Variants in DLGAP2 observed in about 807,000 individuals in gnomAD.
The protein encoded by DLGAP2 is disks large-associated protein 2.
In DLGAP2, 26 loss-of-function variants were observed where a neutral mutation model predicts 100.3. The observed-to-expected ratio is 0.26, with a 90% CI of 0.19 to 0.36. The LOEUF is 0.36. Ranked by LOEUF, DLGAP2 falls within the 10% of genes least tolerant of loss-of-function variation. The pLI is 1.00. For missense variants in DLGAP2, 1,858 were observed against 1,453.2 expected, an observed-to-expected ratio of 1.28 and a Z score of -4.53; for synonymous variants, 886 against 630.1, an observed-to-expected ratio of 1.41 and a Z score of -6.08.
At chr8:1,469,376 G>A (rs563572775) in intron 3 of DLGAP2, among the ~76,000 whole-genome samples, 10 of 152,322 alleles carry the variant, frequency 6.6e-5, no homozygotes, top group South Asian at 2.1e-4. Context: ...CCTAGGAGCC[G>A]GCTGTTAATG....
At chr8:1,292,814 G>A (rs1414042025) in intron 3 of DLGAP2, among the ~76,000 whole-genome samples, 1 of 151,962 alleles carries the variant, frequency 6.6e-6, no homozygotes, top group Non-Finnish European at 1.5e-5. Context: ...GCCTTCCCAA[G>A]GTCTTTCATT....
Position 1,548,609 on chromosome 8 carries a change from T to A in DLGAP2, c.173-17T>A. 1 of 1,478,864 alleles carries A rather than the reference T, an allele frequency of 6.8e-7. No homozygotes were observed. Among genetic ancestry groups the A allele is most frequent in the Non-Finnish European group, 9.0e-7 (1 of 1,116,242 alleles). The allele number at this position is 1,478,864 out of a possible 1,614,324, so 91.6% of individuals were successfully genotyped here. A position where few individuals can be genotyped will look rare whatever the true frequency, so the allele number is the denominator to read the frequency against. ...CCGCGCTTCCGGGTGTTCAATGCCGTTTCTGTTTCCCCACAGACCCGCAGT... is the reference window on the plus strand; with the variant it reads ...CCGCGCTTCCGGGTGTTCAATGCCGATTCTGTTTCCCCACAGACCCGCAGT... On this transcript the variant is annotated splice_polypyrimidine_tract_variant and intron_variant, in intron 4 of 14. Transcript: ENST00000637795.
chr8:1,545,065 G>A lies in DLGAP2; in HGVS notation c.173-3561G>A, dbSNP rs146976388. Among the ~76,000 whole-genome samples the A allele has an allele frequency of 1.0e-2, 1,518 of 152,160 alleles. 15 individuals are homozygous for A. Among genetic ancestry groups the A allele is most frequent in the Admixed American group, 0.014 (221 of 15,272 alleles). On this transcript the variant is annotated intron_variant, in intron 4 of 14. Transcript: ENST00000637795. ...GGCTTTTTGCATCTCTATTTATAAGGGATATTAATCTATAGTTTTCTTTTC... is the reference window on the plus strand; with the variant it reads ...GGCTTTTTGCATCTCTATTTATAAGAGATATTAATCTATAGTTTTCTTTTC...
At chr8:1,131,171 A>G (rs1186613473) in intron 2 of DLGAP2, among the ~76,000 whole-genome samples, 1 of 152,176 alleles carries the variant, frequency 6.6e-6, no homozygotes, top group Non-Finnish European at 1.5e-5. Context: ...TGGATCTTTC[A>G]GCTGCTTTTC....
At chr8:1,333,254 A>G (rs1277491800) in intron 3 of DLGAP2, among the ~76,000 whole-genome samples, 1 of 152,024 alleles carries the variant, frequency 6.6e-6, no homozygotes, top group East Asian at 1.9e-4. Context: ...AGGGGAGCAG[A>G]GCCCATGGTA....
At chr8:1,251,235 C>T (rs994986559) in intron 2 of DLGAP2, among the ~76,000 whole-genome samples, 2 of 152,100 alleles carry the variant, frequency 1.3e-5, no homozygotes, top group Non-Finnish European at 2.9e-5. Context: ...ATATACATGA[C>T]TGGTGTTATT....
chr8:767,960 G>A (rs7463086), intron 1 of DLGAP2, among the ~76,000 whole-genome samples: 77,127 of 152,078 alleles, frequency 0.51, 21,114 homozygotes, highest in Non-Finnish European at 0.61. Context: ...AATGTAAGAA[G>A]TAACCAAAGA....
At chr8:1,568,948 T>C (rs2906586) in intron 6 of DLGAP2, among the ~76,000 whole-genome samples, 56,604 of 83,866 alleles carry the variant, frequency 0.67, 16,890 homozygotes, top group African/African-American at 0.75. Context: ...GCCCGTGGCC[T>C]CCATGCCACT....
intron 12 of DLGAP2, among the ~76,000 whole-genome samples, chr8:1,682,479 ATT>A (rs11332030): frequency 0.011 from 1,577 of 148,388 alleles, 30 homozygotes; most frequent in African/African-American, 0.035. Flanking sequence ...GATATATAGT[ATT>A]TTTTTTTTTT....
intron 2 of DLGAP2, among the ~76,000 whole-genome samples, chr8:1,033,936 C>G (rs1366827753): frequency 9.4e-6 from 1 of 106,752 alleles, no homozygotes; most frequent in African/African-American, 3.8e-5. Context: ...TGTGTCACCG[C>G]GAGTGGACTC....
chr8:1,191,173 A>G (rs367949698), intron 2 of DLGAP2, among the ~76,000 whole-genome samples: 1 of 140,340 alleles, frequency 7.1e-6, no homozygotes, highest in South Asian at 2.3e-4. Context: ...AAGTAGATAC[A>G]TTTTTTTTTT....
intron 2 of DLGAP2, among the ~76,000 whole-genome samples, chr8:1,123,223 T>C (rs868838200): frequency 4.6e-5 from 7 of 152,270 alleles, no homozygotes; most frequent in Admixed American, 6.5e-5. Flanking sequence ...TTTTAGTTAC[T>C]AATGGCTTTT....
At chr8:1,268,341 G>A (rs1799510116) in intron 3 of DLGAP2, among the ~76,000 whole-genome samples, 1 of 152,128 alleles carries the variant, frequency 6.6e-6, no homozygotes, top group South Asian at 2.1e-4. Context: ...AGCATATTTG[G>A]GAGATGGAAA....
intron 2 of DLGAP2, among the ~76,000 whole-genome samples, chr8:1,044,772 C>T (rs951025509): frequency 2.1e-4 from 32 of 152,320 alleles, no homozygotes; most frequent in African/African-American, 7.5e-4. Flanking sequence ...CATACCCCCT[C>T]GCTATGGAAG....
chr8:1,224,681 CCT>C (rs1250255361), intron 2 of DLGAP2, among the ~76,000 whole-genome samples: 1 of 152,154 alleles, frequency 6.6e-6, no homozygotes, highest in Non-Finnish European at 1.5e-5. Context: ...TTACTACTAA[CCT>C]TACAAGAATA....
At chr8:1,355,842 A>G (rs1052518317) in intron 3 of DLGAP2, among the ~76,000 whole-genome samples, 3 of 152,018 alleles carry the variant, frequency 2.0e-5, no homozygotes, top group Admixed American at 6.5e-5. Flanking sequence ...CAGTCCCTCA[A>G]AGCTAGTCCC....
intron 1 of DLGAP2, among the ~76,000 whole-genome samples, chr8:877,910 C>T (rs1484243834): frequency 6.6e-6 from 1 of 152,208 alleles, no homozygotes; most frequent in Non-Finnish European, 1.5e-5. Context: ...AGTGGAGTCT[C>T]TTGACTTTCT....
At chr8:1,024,917 G>C (rs1411408261) in intron 2 of DLGAP2, among the ~76,000 whole-genome samples, 2 of 152,192 alleles carry the variant, frequency 1.3e-5, no homozygotes, top group Admixed American at 1.3e-4. Flanking sequence ...ACCTTGGCGT[G>C]GCAGAGTCTG....
intron 5 of DLGAP2, among the ~76,000 whole-genome samples, chr8:1,553,406 C>A (rs1801844504): frequency 6.6e-6 from 1 of 152,180 alleles, no homozygotes; most frequent in Admixed American, 6.5e-5. Flanking sequence ...GGGCAGCAGC[C>A]CCATTTTGTT....
Sources: allele counts gnomAD v4.1 joint callset (sites outside exome capture counted in the v4.1 genomes callset), GRCh38; gene constraint gnomAD v4.1.1; transcripts MANE v1.5; gene names NCBI Gene and HGNC (gene_info 2026-07-23, HGNC 2026-07-21).